The following ACSBG2 variants were observed in gnomAD, a reference collection of about 807,000 sequenced individuals.
ACSBG2 encodes the protein acyl-CoA synthetase bubblegum family member 2, also known as long-chain-fatty-acid--CoA ligase ACSBG2.
A neutral mutation model predicts 74.7 loss-of-function variants in ACSBG2; 62 were observed. The observed-to-expected ratio is 0.83, with a 90% CI of 0.68 to 1.03. ACSBG2 has a LOEUF of 1.03. Among genes scored for constraint, ACSBG2 ranks in the 50% least tolerant of loss-of-function variants. ACSBG2 has a pLI of 0.00. For synonymous variants in ACSBG2, 309 were observed against 294.1 expected (o/e 1.05, Z -0.52); for missense variants, 730 against 817.6 (o/e 0.89, Z 1.31).
chr19:6,161,145 G>A, intron 5 of ACSBG2, 70 bp from the exon 6 acceptor site: 1 of 1,270,248 alleles, frequency 7.9e-7, no homozygotes, highest in East Asian at 2.4e-5. Context: ...GCTTACTTAG[G>A]ACATCTAACC....
intron 10 of ACSBG2, 45 bp from the exon 11 acceptor site, chr19:6,185,387 GCTGA>G (rs1371775067): frequency 6.3e-7 from 1 of 1,595,924 alleles, no homozygotes; most frequent in Admixed American, 1.7e-5. Flanking sequence ...GAGCTGGGTG[GCTGA>G]CTTTGTCCCT....
chr19:6,164,291 G>C (rs1415251597), intron 6 of ACSBG2, among the ~76,000 whole-genome samples: 1 of 152,122 alleles, frequency 6.6e-6, no homozygotes, highest in Non-Finnish European at 1.5e-5. Context: ...CCCCCAGAGG[G>C]CTTGTGTGTG....
intron 1 of ACSBG2, among the ~76,000 whole-genome samples, chr19:6,138,565 AGAAG>A (rs1468851707): frequency 1.1e-5 from 1 of 94,546 alleles, no homozygotes; most frequent in African/African-American, 4.5e-5. Context: ...AAGGAAGGAA[AGAAG>A]GGAGGGAGGG....
intron 2 of ACSBG2, among the ~76,000 whole-genome samples, chr19:6,145,403 C>T (rs1165385766): frequency 2.7e-5 from 4 of 146,182 alleles, no homozygotes. Context: ...TGCACTCCAG[C>T]CTGGAGATAG....
chr19:6,149,212 T>C (rs572807282), intron 3 of ACSBG2, among the ~76,000 whole-genome samples: 10 of 152,268 alleles, frequency 6.6e-5, no homozygotes, highest in African/African-American at 2.4e-4. Flanking sequence ...TAACTAGGCA[T>C]TAATAAAAAC....
At chr19:6,187,170 A>G (rs2090431727) in intron 11 of ACSBG2, 113 bp from the exon 12 acceptor site, 1 of 1,441,638 alleles carries the variant, frequency 6.9e-7, no homozygotes. Flanking sequence ...AAACCTGGCT[A>G]ATTTTTGTAT....
intron 8 of ACSBG2, among the ~76,000 whole-genome samples, chr19:6,181,240 AGG>A (rs1247908774): frequency 1.2e-3 from 154 of 133,900 alleles, no homozygotes; most frequent in African/African-American, 3.4e-3. Context: ...AAAAAAAAAA[AGG>A]AAAGGAAAGG....
chr19:6,166,280 T>TGTGTGTTTGTGTG lies in ACSBG2; in HGVS notation c.738+265_738+266insGTGTGTTTGTGTG, dbSNP rs2089799967. Among the ~76,000 whole-genome samples, 247 of 119,148 alleles carry TGTGTGTTTGTGTG rather than the reference T, an allele frequency of 2.1e-3. 4 individuals are homozygous for TGTGTGTTTGTGTG. The highest frequency in any genetic ancestry group is 8.7e-3 in the African/African-American group (231 of 26,576). 78.2% of individuals were successfully genotyped at this position (119,148 alleles called of 152,430 possible). A position where few individuals can be genotyped will look rare whatever the true frequency, so the allele number is the denominator to read the frequency against. The stretch of plus-strand genomic sequence containing the variant: ...GATTCCTCTGTGTGAGTCAGGAAGG[T>TGTGTGTTTGTGTG]TGTGTGTGTGTGTGTGTGTGTGTGT... On this transcript the variant is annotated intron_variant, in intron 7 of 14. Transcript: ENST00000588485.
In ACSBG2 at chr19:6,141,583, C is replaced by T. The variant is rs769971422; in HGVS notation, c.40C>T (p.Leu14Phe). The part of the protein sequence containing the change: ...TPKTQEGAKD[L>F]EVDMNKTEVT... The stretch of plus-strand genomic sequence containing the variant: ...AAAGACTCAAGAAGGAGCTAAAGAT[C>T]TTGAAGTAGACATGAATAAAACAGA... The change falls in exon 2 of 15, where the codon CTT (leucine) becomes TTT (phenylalanine). Residue 14 changes from leucine to phenylalanine, a missense_variant. Physicochemically the swap from Leu to Phe is conservative, Grantham distance 22. Coordinates refer to ENST00000588485, the MANE Select transcript of ACSBG2 (RefSeq NM_030924.5). 1.2e-6 allele frequency: 2 copies of T among 1,610,570 alleles called. No homozygotes were observed. The highest frequency in any genetic ancestry group is 2.2e-5 in the South Asian group (2 of 91,010).
intron 4 of ACSBG2, among the ~76,000 whole-genome samples, chr19:6,155,789 C>CA (rs35539453): frequency 0.51 from 63,040 of 123,356 alleles, 16,566 homozygotes; most frequent in Admixed American, 0.64. Flanking sequence ...GACCCTGTCT[C>CA]AAAAAAAAAA....
intron 5 of ACSBG2, among the ~76,000 whole-genome samples, chr19:6,157,871 T>C (rs1166111169): frequency 2.0e-5 from 3 of 152,172 alleles, no homozygotes; most frequent in African/African-American, 4.8e-5. Flanking sequence ...CATTTCTAGA[T>C]GCTTTTGTTG....
intron 3 of ACSBG2, among the ~76,000 whole-genome samples, chr19:6,147,957 C>T (rs1300655944): frequency 6.6e-6 from 1 of 152,178 alleles, no homozygotes; most frequent in African/African-American, 2.4e-5. Context: ...GCCTACTACA[C>T]CCATGGTTCT....
chr19:6,184,340 T>C (rs1426708942), intron 10 of ACSBG2, among the ~76,000 whole-genome samples: 1 of 152,134 alleles, frequency 6.6e-6, no homozygotes, highest in Non-Finnish European at 1.5e-5. Context: ...TGGTCACAAA[T>C]TTAGATGGTT....
intron 5 of ACSBG2, among the ~76,000 whole-genome samples, chr19:6,156,781 C>A (rs551311279): frequency 1.4e-5 from 2 of 145,552 alleles, no homozygotes; most frequent in East Asian, 1.9e-4. Context: ...TAATACTCAG[C>A]CTCCATTTTT....
intron 4 of ACSBG2, 64 bp downstream of exon 4, chr19:6,151,859 T>C (rs755986519): frequency 6.7e-7 from 1 of 1,481,526 alleles, no homozygotes; most frequent in Non-Finnish European, 9.2e-7. Context: ...CTGGGACCCC[T>C]GGGCTTGTCC....
At chr19:6,136,479 C>T (rs532799525) in intron 1 of ACSBG2, among the ~76,000 whole-genome samples, 18 of 152,086 alleles carry the variant, frequency 1.2e-4, no homozygotes, top group South Asian at 4.1e-4. Flanking sequence ...CCACCCGCCT[C>T]GACCTCTCAA....
At chr19:6,156,410 G>A (rs752817312) in intron 4 of ACSBG2, 21 bp from the exon 5 acceptor site, 8 of 1,577,688 alleles carry the variant, frequency 5.1e-6, no homozygotes, top group African/African-American at 1.4e-5. Context: ...ATGCACACAC[G>A]AATTTGTTTT....
chr19:6,142,614 G>T (rs2088884526), intron 2 of ACSBG2, among the ~76,000 whole-genome samples: 1 of 151,950 alleles, frequency 6.6e-6, no homozygotes, highest in African/African-American at 2.4e-5. Context: ...TTAGCCAGGT[G>T]TGGTGGCGGG....
chr19:6,188,804 A>C (rs2090475319), intron 13 of ACSBG2, among the ~76,000 whole-genome samples: 1 of 152,074 alleles, frequency 6.6e-6, no homozygotes, highest in African/African-American at 2.4e-5. Flanking sequence ...GTTGAGGTAA[A>C]GGGGATGAAA....
Sources: allele counts gnomAD v4.1 joint callset (sites outside exome capture counted in the v4.1 genomes callset), GRCh38; gene constraint gnomAD v4.1.1; transcripts MANE v1.5; gene names NCBI Gene and HGNC (gene_info 2026-07-23, HGNC 2026-07-21).